Variants in AP1S3 observed in about 807,000 individuals in gnomAD.
AP1S3 encodes the protein AP-1 complex subunit sigma-3.
Under a neutral mutation model 20.9 loss-of-function variants are expected in AP1S3, and 10 were observed. The observed-to-expected ratio is 0.48, with a 90% CI of 0.29 to 0.81. The LOEUF is 0.81. Among genes scored for constraint, AP1S3 ranks in the 30% least tolerant of loss-of-function variants. The pLI, the probability that AP1S3 is intolerant of heterozygous loss-of-function variation, is 0.08. For missense variants in AP1S3, 154 were observed against 183.8 expected (o/e 0.84, Z 0.94); for synonymous variants, 41 against 61.5 (o/e 0.67, Z 1.56).
chr2:223,803,519 G>T (rs1433610502), intron 1 of AP1S3, among the ~76,000 whole-genome samples: 1 of 152,180 alleles, frequency 6.6e-6, no homozygotes, highest in Non-Finnish European at 1.5e-5. Context: ...AAAAGTCCCA[G>T]GATGGCTGGT....
Position 223,837,482 on chromosome 2 carries a change from G to T in AP1S3, c.-32C>A. On this transcript the variant is annotated 5_prime_UTR_variant, in exon 1 of 5. Transcript: ENST00000396654. ...TGGGCCGCCGCCTCCCCCGCCTTGC[G>T]AGCAAGGAGCGCTGGAGAAGCGAGG... 7.8e-7 allele frequency: 1 copy of T among 1,279,302 alleles called. No individual in the cohort carries two copies. The highest frequency in any genetic ancestry group is 9.9e-7 in the Non-Finnish European group (1 of 1,010,118). The allele number at this position is 1,279,302 out of a possible 1,614,324, so 79.2% of individuals were successfully genotyped here.
chr2:223,792,482 T>C (rs1184105171), intron 1 of AP1S3, among the ~76,000 whole-genome samples: 1 of 152,124 alleles, frequency 6.6e-6, no homozygotes, highest in Non-Finnish European at 1.5e-5. Flanking sequence ...TTAAAAGGAT[T>C]CCCTATTTAA....
intron 1 of AP1S3, among the ~76,000 whole-genome samples, chr2:223,811,009 T>A (rs1041809590): frequency 3.3e-5 from 5 of 152,186 alleles, no homozygotes; most frequent in Admixed American, 1.3e-4. Flanking sequence ...CCATTTTTTT[T>A]ATTTCAATAG....
At chr2:223,815,907 C>G (rs767582110) in intron 1 of AP1S3, among the ~76,000 whole-genome samples, 1 of 152,106 alleles carries the variant, frequency 6.6e-6, no homozygotes, top group Non-Finnish European at 1.5e-5. Flanking sequence ...CCCAGGAGTT[C>G]GAGACCAGCC....
intron 1 of AP1S3, among the ~76,000 whole-genome samples, chr2:223,817,620 AAAAAG>A (rs1183603939): frequency 7.1e-4 from 101 of 141,966 alleles, no homozygotes; most frequent in Non-Finnish European, 1.2e-3. Flanking sequence ...AAAAAAAAAA[AAAAAG>A]AAAAGAAAAC....
intron 4 of AP1S3, among the ~76,000 whole-genome samples, chr2:223,759,136 C>T (rs575870112): frequency 2.9e-4 from 44 of 152,040 alleles, no homozygotes; most frequent in South Asian, 2.3e-3. Context: ...AAAAATTACC[C>T]GAGTGTGGTG....
chr2:223,767,462 A>C (rs572248362), intron 3 of AP1S3, among the ~76,000 whole-genome samples: 2 of 152,152 alleles, frequency 1.3e-5, no homozygotes, highest in African/African-American at 4.8e-5. Flanking sequence ...CAGAACAGAC[A>C]AACATCTCTA....
intron 1 of AP1S3, among the ~76,000 whole-genome samples, chr2:223,778,721 G>C (rs1574696544): frequency 6.7e-6 from 1 of 148,938 alleles, no homozygotes; most frequent in East Asian, 2.0e-4. Context: ...TTTTGAGACA[G>C]AGTCTTGCTT....
chr2:223,821,858 T>A (rs565404830), intron 1 of AP1S3, among the ~76,000 whole-genome samples: 1 of 152,328 alleles, frequency 6.6e-6, no homozygotes, highest in South Asian at 2.1e-4. Flanking sequence ...ATATTATTAT[T>A]TTCTTGTAGC....
intron 3 of AP1S3, among the ~76,000 whole-genome samples, chr2:223,775,092 A>C (rs962086439): frequency 6.6e-6 from 1 of 151,990 alleles, no homozygotes; most frequent in Non-Finnish European, 1.5e-5. Context: ...CCAGTGCTGC[A>C]GCGAGAAGCA....
chr2:223,780,357 A>AGTGTGTGTGTGT lies in AP1S3; in HGVS notation c.4-2500_4-2489dup, dbSNP rs57103665. Among the ~76,000 whole-genome samples the AGTGTGTGTGTGT allele has an allele frequency of 1.0e-3, 46 of 44,438 alleles. 2 individuals carry two copies. The highest frequency in any genetic ancestry group is 5.0e-3 in the South Asian group (3 of 606). The allele number at this position is 44,438 out of a possible 152,430, so 29.2% of individuals were successfully genotyped here. ...GAGAGAGAGAGAGAGAGAGAGAGAG[A>AGTGTGTGTGTGT]GTGTGTGTGTGTGTGTGTGTGTGTG... On this transcript the variant is annotated intron_variant, in intron 1 of 4. Transcript: ENST00000396654.
intron 1 of AP1S3, among the ~76,000 whole-genome samples, chr2:223,833,495 A>C (rs1433524182): frequency 6.6e-6 from 1 of 152,218 alleles, no homozygotes; most frequent in Non-Finnish European, 1.5e-5. Flanking sequence ...AACATGCACC[A>C]GATATGAAAT....
Position 223,770,168 on chromosome 2 carries a change from G to T in AP1S3, c.292-4818C>A, listed in dbSNP as rs1690581662. On this transcript the variant is annotated intron_variant, in intron 3 of 4. Coordinates refer to ENST00000396654, the MANE Select transcript of AP1S3 (RefSeq NM_001039569.2). ...CAATAGATTAGACATCCATGTACAT[G>T]AAAGAAGGTATGAGAAGAAAGCAGT... The T allele has an allele frequency of 1.9e-6, 3 of 1,547,998 alleles. No individual in the cohort carries two copies. In the East Asian group the frequency reaches 7.3e-5, roughly 38 times the overall value.
chr2:223,828,439 G>A (rs1362033571), intron 1 of AP1S3, among the ~76,000 whole-genome samples: 1 of 151,844 alleles, frequency 6.6e-6, no homozygotes, highest in Non-Finnish European at 1.5e-5. Context: ...CGGGGTTATA[G>A]GCGTGCACCA....
intron 1 of AP1S3, among the ~76,000 whole-genome samples, chr2:223,786,622 A>G (rs1691084169): frequency 6.6e-6 from 1 of 151,432 alleles, no homozygotes; most frequent in Non-Finnish European, 1.5e-5. Flanking sequence ...TAAAAAAAAA[A>G]GAAGAAGGAG....
intron 4 of AP1S3, 105 bp downstream of exon 4, chr2:223,765,108 C>A (rs1234426653): frequency 6.8e-7 from 1 of 1,468,956 alleles, no homozygotes; most frequent in East Asian, 2.3e-5. Context: ...AAACTGTACC[C>A]AGCACAGAGT....
chr2:223,778,897 C>T (rs1690857636), intron 1 of AP1S3, among the ~76,000 whole-genome samples: 1 of 152,096 alleles, frequency 6.6e-6, no homozygotes, highest in Admixed American at 6.5e-5. Context: ...CAGGGTTTCA[C>T]CATGTTGGAC....
In AP1S3 at chr2:223,757,745, A is replaced by G; in HGVS notation, c.*970T>C. 1.0e-6 allele frequency: 1 copy of G among 985,448 alleles called. No homozygotes were observed. The allele number at this position is 985,448 out of a possible 1,614,324, so 61.0% of individuals were successfully genotyped here. The stretch of plus-strand genomic sequence containing the variant: ...AAGGGTAAGAAAAGAAAAAAGAAGG[A>G]AAGGAATCTACCATATAGGCTGTGA... On this transcript the variant is annotated 3_prime_UTR_variant, in exon 5 of 5. Coordinates refer to ENST00000396654, the MANE Select transcript of AP1S3 (RefSeq NM_001039569.2).
intron 1 of AP1S3, among the ~76,000 whole-genome samples, chr2:223,794,352 C>CAA (rs200205179): frequency 6.6e-6 from 1 of 150,506 alleles, no homozygotes; most frequent in African/African-American, 2.4e-5. Context: ...GACTCTGTGT[C>CAA]AAAAAAAACA....
Sources: allele counts gnomAD v4.1 joint callset (sites outside exome capture counted in the v4.1 genomes callset), GRCh38; gene constraint gnomAD v4.1.1; transcripts MANE v1.5; gene names NCBI Gene and HGNC (gene_info 2026-07-23, HGNC 2026-07-21).